CREB5: variants seen among roughly 807,000 people sequenced by gnomAD.
CREB5 encodes the protein cyclic AMP-responsive element-binding protein 5.
CREB5 carries 19 observed loss-of-function variants against 57.1 expected under a neutral mutation model. The observed-to-expected ratio is 0.33, with a 90% CI of 0.23 to 0.49. The LOEUF (loss-of-function observed/expected upper bound fraction) is 0.49. Among genes scored for constraint, CREB5 ranks in the 20% least tolerant of loss-of-function variants. CREB5 has a pLI of 0.99. For missense variants in CREB5, 579 were observed against 671.6 expected (o/e 0.86, Z 1.52); for synonymous variants, 238 against 238.3 (o/e 1.00, Z 0.01).
At chr7:28,638,342 A>ATTCTTTTTCTTTTT (rs1554278750) in intron 5 of CREB5, among the ~76,000 whole-genome samples, 8 of 145,448 alleles carry the variant, frequency 5.5e-5, no homozygotes, top group Non-Finnish European at 1.2e-4. Context: ...AGGTTTGCAT[A>ATTCTTTTTCTTTTT]TTCTTTTTTC....
chr7:28,414,213 G>GA (rs1289396601), intron 1 of CREB5, among the ~76,000 whole-genome samples: 2 of 151,538 alleles, frequency 1.3e-5, no homozygotes, highest in Non-Finnish European at 2.9e-5. Context: ...AAATTAATGT[G>GA]ATCCTGGCTG....
rs561442711 is a variant in CREB5, at chr7:28,507,784, T to A, written c.291+47T>A. ...CCTTGAGAGGTGTCCTGCTAGAAAC[T>A]TCCACGAGGAAACTAGGTGGCACTG... On this transcript the variant is annotated intron_variant, in intron 4 of 10. Transcript: ENST00000357727. The A allele has an allele frequency of 1.6e-5, 25 of 1,555,628 alleles. No individual in the cohort carries two copies. In the East Asian group the frequency reaches 5.7e-4, roughly 36 times the overall value.
chr7:28,388,742 A>G (rs1220585956), intron 1 of CREB5, among the ~76,000 whole-genome samples: 1 of 152,202 alleles, frequency 6.6e-6, no homozygotes, highest in Non-Finnish European at 1.5e-5. Context: ...CTTCTTTCTC[A>G]ATCACGCATA....
chr7:28,525,602 A>G (rs2128618728), intron 4 of CREB5, among the ~76,000 whole-genome samples: 2 of 152,290 alleles, frequency 1.3e-5, no homozygotes, highest in Admixed American at 6.5e-5. Context: ...TTTGAAAAAA[A>G]ATGTATCTGT....
intron 5 of CREB5, among the ~76,000 whole-genome samples, chr7:28,619,192 A>G (rs943812015): frequency 2.0e-5 from 3 of 152,216 alleles, no homozygotes; most frequent in East Asian, 1.9e-4. Context: ...GGCATGGAGA[A>G]GTTATGAACT....
chr7:28,648,983 G>T (rs1299249582), intron 5 of CREB5, among the ~76,000 whole-genome samples: 1 of 152,164 alleles, frequency 6.6e-6, no homozygotes, highest in Non-Finnish European at 1.5e-5. Context: ...GAGCTTTTCT[G>T]GATGACGAGC....
chr7:28,340,485 A>T lies in CREB5; in HGVS notation c.-25+41044A>T, dbSNP rs74417716. On this transcript the variant is annotated intron_variant, in intron 1 of 9. Transcript: ENST00000396299. ...GGCCTCAGAATAGGTGCTGTATCCTACCATGGTTAGGCTGGTCTCTAAGTT... is the reference window on the plus strand; with the variant it reads ...GGCCTCAGAATAGGTGCTGTATCCTTCCATGGTTAGGCTGGTCTCTAAGTT... 6.4e-3 allele frequency among the ~76,000 whole-genome samples: 966 copies of T among 151,232 alleles called. 5 individuals are homozygous for T. The highest frequency in any genetic ancestry group is 0.022 in the African/African-American group (911 of 41,196).
chr7:28,624,212 T>TC (rs1797911267), intron 5 of CREB5, among the ~76,000 whole-genome samples: 1 of 152,240 alleles, frequency 6.6e-6, no homozygotes, highest in South Asian at 2.1e-4. Context: ...GCACGTCTAA[T>TC]TTGCGTGAAT....
rs377684836 is a variant in CREB5 at position 28,621,055 on chromosome 7, G to A, written c.464+50518G>A. On this transcript the variant is annotated intron_variant, in intron 5 of 10. Coordinates refer to ENST00000357727, the MANE Select transcript of CREB5 (RefSeq NM_182898.4). ...TGGCCATTTCCACAGGCCTAATATG[G>A]CAGCATCTCCCAAGGGCCATCAGAA... Among the ~76,000 whole-genome samples, 15 of 152,090 alleles carry A rather than the reference G, an allele frequency of 9.9e-5. No homozygotes were observed. The East Asian group carries it at 1.5e-3, about 16-fold the overall frequency.
chr7:28,646,406 C>T (rs1198506998), intron 5 of CREB5, among the ~76,000 whole-genome samples: 1 of 152,158 alleles, frequency 6.6e-6, no homozygotes, highest in Non-Finnish European at 1.5e-5. Flanking sequence ...TCACATCTTT[C>T]TCTAAAGGCC....
chr7:28,357,723 G>A (rs1786375478), intron 1 of CREB5, among the ~76,000 whole-genome samples: 1 of 152,140 alleles, frequency 6.6e-6, no homozygotes, highest in African/African-American at 2.4e-5. Flanking sequence ...GTTCTTCAAT[G>A]TACAAGAACT....
intron 5 of CREB5, among the ~76,000 whole-genome samples, chr7:28,601,169 ATT>A (rs577879373): frequency 1.4e-5 from 2 of 144,876 alleles, no homozygotes; most frequent in African/African-American, 5.1e-5. Context: ...TATTATTATT[ATT>A]TTTTTTTTTG....
At chr7:28,738,359 G>C (rs1268394967) in intron 7 of CREB5, among the ~76,000 whole-genome samples, 2 of 152,180 alleles carry the variant, frequency 1.3e-5, no homozygotes, top group Non-Finnish European at 2.9e-5. Flanking sequence ...AAAGGAGCAA[G>C]AACTCCCCAG....
At chr7:28,778,618 C>T (rs1806792509) in intron 7 of CREB5, among the ~76,000 whole-genome samples, 1 of 152,052 alleles carries the variant, frequency 6.6e-6, no homozygotes, top group Non-Finnish European at 1.5e-5. Flanking sequence ...ATTCAAATTA[C>T]TTTTATCATT....
intron 5 of CREB5, among the ~76,000 whole-genome samples, chr7:28,638,565 T>C (rs1798519967): frequency 6.6e-6 from 1 of 152,060 alleles, no homozygotes; most frequent in Non-Finnish European, 1.5e-5. Flanking sequence ...CAGGTTGATC[T>C]TGAATTCCTG....
At chr7:28,488,771 T>A (rs177590) in intron 2 of CREB5, among the ~76,000 whole-genome samples, 13,079 of 152,288 alleles carry the variant, frequency 0.086, 650 homozygotes, top group East Asian at 0.19. Flanking sequence ...TGTCCTGCTG[T>A]GTTGGATTAA....
intron 1 of CREB5, among the ~76,000 whole-genome samples, chr7:28,341,892 T>G (rs764428410): frequency 3.3e-5 from 5 of 152,176 alleles, no homozygotes; most frequent in Admixed American, 6.5e-5. Context: ...CAGTGAGGGC[T>G]GGGAAAGTTT....
chr7:28,404,609 G>A lies in CREB5; in HGVS notation c.-24-90297G>A, dbSNP rs148276731. ...ATAAGTTCAAAGATAAAATTATTAA[G>A]AATTTCAAGATGGTGACAGTGAGCC... On this transcript the variant is annotated intron_variant, in intron 1 of 9. Coordinates refer to the CREB5 transcript ENST00000396299. Among the ~76,000 whole-genome samples, 608 of 152,234 alleles carry A rather than the reference G, an allele frequency of 4.0e-3. 4 individuals are homozygous for A. Among genetic ancestry groups the A allele is most frequent in the Middle Eastern group, 0.014 (4 of 294 alleles).
intron 1 of CREB5, among the ~76,000 whole-genome samples, chr7:28,361,938 A>G (rs1040366125): frequency 1.3e-5 from 2 of 152,224 alleles, no homozygotes; most frequent in Non-Finnish European, 2.9e-5. Context: ...TAAGTTCTTT[A>G]TTGAAGTAAA....
Sources: gnomAD v4.1 joint callset for allele counts (sites outside exome capture counted in the v4.1 genomes callset) on GRCh38, gnomAD v4.1.1 for gene constraint, MANE v1.5 for transcripts, NCBI Gene and HGNC (gene_info 2026-07-23, HGNC 2026-07-21) for gene names.